The following CDH13 variants were observed in gnomAD, a reference collection of about 807,000 sequenced individuals.
The protein encoded by CDH13 is cadherin-13.
CDH13 carries 24 observed loss-of-function variants against 63.8 expected under a neutral mutation model. The ratio of observed to expected loss-of-function variants is 0.38; its 90% CI spans 0.27 to 0.53. The LOEUF is 0.53. Ranked by LOEUF, CDH13 falls within the 20% of genes least tolerant of loss-of-function variation. The pLI is 0.85. For synonymous variants in CDH13, 503 were observed against 355.3 expected, an observed-to-expected ratio of 1.42 and a Z score of -4.67; for missense variants, 1,049 against 903.1, an observed-to-expected ratio of 1.16 and a Z score of -2.07.
chr16:83,665,458 G>A (rs1913859087), intron 8 of CDH13, among the ~76,000 whole-genome samples: 1 of 152,162 alleles, frequency 6.6e-6, no homozygotes, highest in African/African-American at 2.4e-5. Flanking sequence ...ATTGGGAAGA[G>A]CCTTCCAATA....
At chr16:83,482,621 C>T (rs1397386803) in intron 6 of CDH13, among the ~76,000 whole-genome samples, 3 of 152,208 alleles carry the variant, frequency 2.0e-5, no homozygotes, top group Non-Finnish European at 4.4e-5. Flanking sequence ...ATGATCCAGC[C>T]TCCAGGGGAA....
chr16:82,927,020 T>TGC (rs1555543565), intron 2 of CDH13, among the ~76,000 whole-genome samples: 21 of 151,848 alleles, frequency 1.4e-4, no homozygotes, highest in South Asian at 1.0e-3. Flanking sequence ...GCTTGAAGGC[T>TGC]GGGGTAACTC....
intron 2 of CDH13, among the ~76,000 whole-genome samples, chr16:82,963,640 C>G (rs959670584): frequency 6.6e-6 from 1 of 152,152 alleles, no homozygotes; most frequent in South Asian, 2.1e-4. Context: ...AGGAAGTATG[C>G]TCCATGGGGA....
At chr16:83,560,747 C>T (rs1257467746) in intron 7 of CDH13, among the ~76,000 whole-genome samples, 1 of 152,218 alleles carries the variant, frequency 6.6e-6, no homozygotes, top group Non-Finnish European at 1.5e-5. Flanking sequence ...TACCTAGTTA[C>T]TAAGTCTCTC....
intron 10 of CDH13, among the ~76,000 whole-genome samples, chr16:83,740,180 G>A (rs1597155540): frequency 6.6e-6 from 1 of 152,200 alleles, no homozygotes; most frequent in East Asian, 1.9e-4. Flanking sequence ...AGAAAATGCA[G>A]GTAGAAAGTC....
chr16:82,952,553 C>G (rs1028711222), intron 2 of CDH13, among the ~76,000 whole-genome samples: 7 of 152,190 alleles, frequency 4.6e-5, no homozygotes, highest in South Asian at 2.1e-4. Context: ...ATAACCATAA[C>G]TTTTCTACAG....
chr16:83,357,505 A>T (rs1441984211), intron 6 of CDH13, among the ~76,000 whole-genome samples: 2 of 152,160 alleles, frequency 1.3e-5, no homozygotes, highest in African/African-American at 2.4e-5. Context: ...AACCCAAGAG[A>T]CTACTACTGC....
chr16:83,759,893 A>G (rs1033357619), intron 11 of CDH13, among the ~76,000 whole-genome samples: 3 of 135,910 alleles, frequency 2.2e-5, no homozygotes, highest in Non-Finnish European at 3.4e-5. Flanking sequence ...ACACCACTGC[A>G]CTCCAGCATG....
intron 5 of CDH13, among the ~76,000 whole-genome samples, chr16:83,312,280 G>T (rs1449539458): frequency 6.6e-6 from 1 of 152,104 alleles, no homozygotes; most frequent in Non-Finnish European, 1.5e-5. Flanking sequence ...TATGTGAGCT[G>T]CTCAGAGTTC....
At chr16:83,466,800 A>G (rs1032262296) in intron 6 of CDH13, among the ~76,000 whole-genome samples, 1 of 152,352 alleles carries the variant, frequency 6.6e-6, no homozygotes, top group East Asian at 1.9e-4. Context: ...TTTACCCTAC[A>G]GGAACACCTT....
At chr16:83,141,661 C>G (rs1479651816) in intron 4 of CDH13, among the ~76,000 whole-genome samples, 1 of 152,100 alleles carries the variant, frequency 6.6e-6, no homozygotes, top group African/African-American at 2.4e-5. Context: ...AATGCTCTCT[C>G]TCCTTTTGTC....
At chr16:83,169,993 T>A (rs2037852582) in intron 4 of CDH13, among the ~76,000 whole-genome samples, 1 of 152,136 alleles carries the variant, frequency 6.6e-6, no homozygotes, top group African/African-American at 2.4e-5. Context: ...TTTTTACCCT[T>A]CAAATTAATT....
At chr16:83,395,147 C>CAAAAAAA (rs56374797) in intron 6 of CDH13, among the ~76,000 whole-genome samples, 6 of 106,680 alleles carry the variant, frequency 5.6e-5, no homozygotes, top group Non-Finnish European at 1.1e-4. Context: ...GACTCCATCT[C>CAAAAAAA]AAAAAAAAAA....
intron 11 of CDH13, among the ~76,000 whole-genome samples, chr16:83,779,385 C>A (rs550210977): frequency 1.6e-4 from 18 of 113,410 alleles, no homozygotes; most frequent in African/African-American, 6.3e-4. Context: ...CCAGCCCGGG[C>A]GACAGCGCGA....
intron 1 of CDH13, among the ~76,000 whole-genome samples, chr16:82,837,619 A>G (rs994836818): frequency 1.3e-5 from 2 of 152,228 alleles, no homozygotes; most frequent in African/African-American, 4.8e-5. Context: ...CAATGCAGTC[A>G]CACAGGATGT....
At chr16:83,414,792 G>A (rs2151461919) in intron 6 of CDH13, among the ~76,000 whole-genome samples, 1 of 152,164 alleles carries the variant, frequency 6.6e-6, no homozygotes, top group Non-Finnish European at 1.5e-5. Context: ...CTATGTATGT[G>A]TCATATTTAT....
At chr16:83,479,207 A>G (rs1000211905) in intron 6 of CDH13, among the ~76,000 whole-genome samples, 4 of 150,962 alleles carry the variant, frequency 2.6e-5, no homozygotes, top group African/African-American at 9.7e-5. Context: ...ACAAGATTTT[A>G]AGTAACTCCT....
chr16:82,936,890 G>T (rs1391932287), intron 2 of CDH13, among the ~76,000 whole-genome samples: 1 of 152,056 alleles, frequency 6.6e-6, no homozygotes, highest in African/African-American at 2.4e-5. Flanking sequence ...TCCTCCCAGA[G>T]TTCACCTTTG....
At chr16:83,653,298 T>A (rs903923103) in intron 8 of CDH13, among the ~76,000 whole-genome samples, 1 of 152,200 alleles carries the variant, frequency 6.6e-6, no homozygotes, top group African/African-American at 2.4e-5. Context: ...ATGAATTTTT[T>A]GGTATGTGAA....
Sources: allele counts gnomAD v4.1 joint callset (sites outside exome capture counted in the v4.1 genomes callset), GRCh38; gene constraint gnomAD v4.1.1; transcripts MANE v1.5; gene names NCBI Gene and HGNC (gene_info 2026-07-23, HGNC 2026-07-21).